The following NALCN variants were observed in gnomAD, a reference collection of about 807,000 sequenced individuals.
NALCN encodes sodium leak channel, non-selective.
In NALCN, 111 loss-of-function variants were observed where a neutral mutation model predicts 225.3. That is an observed-to-expected ratio of 0.49 (90% CI 0.42 to 0.58). NALCN has a LOEUF of 0.58. Ranked by LOEUF, NALCN falls within the 20% of genes least tolerant of loss-of-function variation. The probability of loss-of-function intolerance (pLI) is 0.00; values close to 1 mark genes in which losing one functional copy is unlikely to be tolerated. For synonymous variants in NALCN, 764 were observed against 769.0 expected, an observed-to-expected ratio of 0.99 and a Z score of 0.11; for missense variants, 1,378 against 2,202.4, an observed-to-expected ratio of 0.63 and a Z score of 7.49.
intron 7 of NALCN, among the ~76,000 whole-genome samples, chr13:101,320,803 G>A (rs745330550): frequency 2.0e-5 from 3 of 151,962 alleles, no homozygotes; most frequent in Non-Finnish European, 4.4e-5. Context: ...CTTGGAATGG[G>A]GATAGCTATA....
chr13:101,230,486 G>C (rs1433701190), intron 12 of NALCN, among the ~76,000 whole-genome samples: 2 of 152,232 alleles, frequency 1.3e-5, no homozygotes, highest in Non-Finnish European at 2.9e-5. Flanking sequence ...GCAGCTAGCT[G>C]TCTCCAGTGG....
rs1218565051 is a variant in NALCN, at chr13:101,227,990, G to A, written c.1626+1403C>T. 2.6e-5 allele frequency among the ~76,000 whole-genome samples: 4 copies of A among 152,226 alleles called. No individual in the cohort carries two copies. In the East Asian group the frequency reaches 5.8e-4, roughly 22 times the overall value. On this transcript the variant is annotated intron_variant, in intron 13 of 43. Transcript: ENST00000251127. ...GCCTTTCTGGACTTTTCCATGCCTGGGAATCGGCCTTGCCTCTGTGTCCCC... is the reference window on the plus strand; with the variant it reads ...GCCTTTCTGGACTTTTCCATGCCTGAGAATCGGCCTTGCCTCTGTGTCCCC...
chr13:101,244,968 A>T (rs2041850809), intron 11 of NALCN, among the ~76,000 whole-genome samples: 1 of 152,084 alleles, frequency 6.6e-6, no homozygotes, highest in African/African-American at 2.4e-5. Context: ...GGGAGAAGGC[A>T]ACTGGGGTCT....
chr13:101,121,227 C>T (rs2035958365), intron 18 of NALCN, among the ~76,000 whole-genome samples: 1 of 152,068 alleles, frequency 6.6e-6, no homozygotes, highest in African/African-American at 2.4e-5. Flanking sequence ...ATCGCCTCCT[C>T]CTAGCTCCCA....
intron 6 of NALCN, among the ~76,000 whole-genome samples, chr13:101,352,645 A>G (rs1208886141): frequency 6.6e-6 from 1 of 152,178 alleles, no homozygotes; most frequent in African/African-American, 2.4e-5. Context: ...CCCTAAATGG[A>G]TACTGTGACT....
chr13:101,071,106 C>T (rs1413641031), intron 37 of NALCN, among the ~76,000 whole-genome samples: 1 of 152,152 alleles, frequency 6.6e-6, no homozygotes, highest in Non-Finnish European at 1.5e-5. Flanking sequence ...TCTGCCTGGT[C>T]CCTCCCACGA....
intron 30 of NALCN, among the ~76,000 whole-genome samples, chr13:101,088,059 A>T (rs969762470): frequency 6.6e-6 from 1 of 152,024 alleles, no homozygotes; most frequent in Non-Finnish European, 1.5e-5. Context: ...TAGGGCTCAA[A>T]GCATCTCGTT....
chr13:101,201,680 T>C (rs1189035045), intron 13 of NALCN, among the ~76,000 whole-genome samples: 1 of 152,196 alleles, frequency 6.6e-6, no homozygotes, highest in African/African-American at 2.4e-5. Flanking sequence ...TGTACTAAAA[T>C]ACGTGTAAAA....
In NALCN at chr13:101,176,369, G is replaced by A; in HGVS notation, c.1770C>T (p.Leu590=). 2 of 1,594,990 alleles carry A rather than the reference G, an allele frequency of 1.3e-6. No homozygotes were observed. Among genetic ancestry groups the A allele is most frequent in the African/African-American group, 1.4e-5 (1 of 73,928 alleles). The change falls in exon 15 of 44, where the codon CTC becomes CTT. Residue 590 remains leucine, a synonymous_variant. Transcript: ENST00000251127. ...AAATAACAGCAACAAACAAACTCAGGAGGATCTATAAAATGGTGAAATAAC... is the reference window on the plus strand; with the variant it reads ...AAATAACAGCAACAAACAAACTCAGAAGGATCTATAAAATGGTGAAATAAC... ...ILYHLFATLI[L]LSLFVAVILD...
chr13:101,381,712 T>A (rs543160295), intron 3 of NALCN, among the ~76,000 whole-genome samples: 19 of 152,268 alleles, frequency 1.2e-4, no homozygotes, highest in Non-Finnish European at 2.6e-4. Flanking sequence ...CTTCTGTCTT[T>A]AAGCAATTTA....
chr13:101,347,928 AC>A (rs1410942406), intron 6 of NALCN, among the ~76,000 whole-genome samples: 2 of 152,188 alleles, frequency 1.3e-5, no homozygotes, highest in African/African-American at 4.8e-5. Flanking sequence ...GCATGTAAAA[AC>A]AGAACAATAA....
Position 101,073,640 on chromosome 13 carries a change from C to T in NALCN, c.4141G>A (p.Val1381Ile), listed in dbSNP as rs1566784397. ...TCACCTGTGACAATTCGGAACAGTA[C>T]GGTAATAGCTTTTCCAGCCGAAGAA... is the stretch of plus-strand genomic sequence containing the variant. ...NFSSAGKAIT[V>I]LFRIVTGEDW... The change falls in exon 37 of 44, where the codon GTA becomes ATA. Residue 1381 changes from valine to isoleucine, a missense_variant. By Grantham distance (29) the Val-to-Ile change is conservative. Transcript: ENST00000251127. 1.9e-6 allele frequency: 3 copies of T among 1,612,864 alleles called. No individual in the cohort carries two copies. The highest frequency in any genetic ancestry group is 1.7e-5 in the Admixed American group (1 of 59,892).
intron 7 of NALCN, among the ~76,000 whole-genome samples, chr13:101,312,291 T>A (rs2044375703): frequency 6.6e-6 from 1 of 152,204 alleles, no homozygotes; most frequent in Non-Finnish European, 1.5e-5. Context: ...ATCAATTTTG[T>A]TGATCTTTTC....
At chr13:101,121,057 G>A (rs936897715) in intron 18 of NALCN, among the ~76,000 whole-genome samples, 5 of 152,126 alleles carry the variant, frequency 3.3e-5, no homozygotes, top group Non-Finnish European at 7.4e-5. Flanking sequence ...ATTTTGCTTG[G>A]TCAATAGATT....
chr13:101,104,942 G>C lies in NALCN; in HGVS notation c.2588C>G (p.Thr863Arg). The C allele has an allele frequency of 6.2e-7, 1 of 1,613,524 alleles. No individual in the cohort carries two copies. The highest frequency in any genetic ancestry group is 8.5e-7 in the Non-Finnish European group (1 of 1,179,650). The change falls in exon 23 of 44, where the codon ACA becomes AGA. Residue 863 changes from threonine to arginine, a missense_variant. By Grantham distance (71) the Thr-to-Arg change is moderately conservative. Around this residue, in one of 19 missense-constraint regions of NALCN, gnomAD observed 292 missense variants for 409.5 expected, o/e 0.71. Transcript: ENST00000251127. This position sits in a 1 kb window ranked among gnomAD's most constrained non-coding sequence, Gnocchi z 4.2. ...VVRARFNASK[T>R]DPVTGAVKNT... Reference sequence around the variant, plus strand: ...TTTCACAGCTCCTGTGACAGGGTCTGTTTTAGATCTGTAAGAGAACACATA... The same window carrying C: ...TTTCACAGCTCCTGTGACAGGGTCTCTTTTAGATCTGTAAGAGAACACATA...
intron 2 of NALCN, 86 bp from the exon 3 acceptor site, chr13:101,395,451 A>C: frequency 2.3e-6 from 3 of 1,314,570 alleles, no homozygotes; most frequent in Non-Finnish European, 3.1e-6. Context: ...GGAAAACATA[A>C]TACTGAGGTT....
intron 3 of NALCN, among the ~76,000 whole-genome samples, chr13:101,392,148 A>C (rs2047166224): frequency 6.6e-6 from 1 of 152,194 alleles, no homozygotes; most frequent in African/African-American, 2.4e-5. Flanking sequence ...AAACTTTTAA[A>C]GTGAAAACAA....
At chr13:101,400,921 T>C (rs1019494970) in intron 1 of NALCN, among the ~76,000 whole-genome samples, 1 of 151,854 alleles carries the variant, frequency 6.6e-6, no homozygotes, top group Non-Finnish European at 1.5e-5. Flanking sequence ...TGTTTGACAG[T>C]TCCTACTTCA....
chr13:101,081,702 A>G, intron 33 of NALCN, 56 bp from the exon 34 acceptor site: 1 of 1,592,406 alleles, frequency 6.3e-7, no homozygotes, highest in Non-Finnish European at 8.5e-7. Flanking sequence ...ACATATTTAA[A>G]TGTATTAACT....
Sources: allele counts gnomAD v4.1 joint callset (sites outside exome capture counted in the v4.1 genomes callset), GRCh38; gene constraint gnomAD v4.1.1; regional missense constraint gnomAD v4.1.1; non-coding constraint Gnocchi (gnomAD v3.1); transcripts MANE v1.5; gene names NCBI Gene and HGNC (gene_info 2026-07-23, HGNC 2026-07-21).